Variants in KCNQ5 observed in about 807,000 individuals in gnomAD.
KCNQ5 encodes potassium voltage-gated channel subfamily KQT member 5.
KCNQ5 carries 30 observed loss-of-function variants against 98.2 expected under a neutral mutation model. That is an observed-to-expected ratio of 0.31 (90% confidence interval 0.23 to 0.41). KCNQ5 has a LOEUF of 0.41. Ranked by LOEUF, KCNQ5 falls within the 10% of genes least tolerant of loss-of-function variation. KCNQ5 has a pLI of 1.00. For synonymous variants in KCNQ5, 458 were observed against 449.4 expected, an observed-to-expected ratio of 1.02 and a Z score of -0.24; for missense variants, 835 against 1,182.5, an observed-to-expected ratio of 0.71 and a Z score of 4.31.
chr6:72,946,257 T>G (rs1040416280), intron 1 of KCNQ5, among the ~76,000 whole-genome samples: 4 of 152,220 alleles, frequency 2.6e-5, no homozygotes, highest in African/African-American at 9.7e-5. Flanking sequence ...GTTAAAGCAA[T>G]TATGCCTCTC....
At position 73,039,729 on chromosome 6, in the gene KCNQ5, G is replaced by A. The variant is rs149252584; in HGVS notation, c.490-2207G>A. ...ACTTGTTGAAATTTGTTTATGACCC[G>A]GAATATAATCTATCTTAATAAATGT... On this transcript the variant is annotated intron_variant, in intron 2 of 13. Coordinates refer to ENST00000370398, the MANE Select transcript of KCNQ5 (RefSeq NM_019842.4). Among the ~76,000 whole-genome samples the A allele has an allele frequency of 8.8e-4, 134 of 152,082 alleles. 2 individuals carry two copies. Among genetic ancestry groups the A allele is most frequent in the African/African-American group, 2.7e-3 (111 of 41,512 alleles).
chr6:72,908,361 T>C (rs1779787596), intron 1 of KCNQ5, among the ~76,000 whole-genome samples: 1 of 152,098 alleles, frequency 6.6e-6, no homozygotes, highest in Non-Finnish European at 1.5e-5. Flanking sequence ...TTAGCTGCTC[T>C]TGTCACAAAA....
intron 1 of KCNQ5, among the ~76,000 whole-genome samples, chr6:72,956,128 T>C (rs1018998955): frequency 2.0e-5 from 3 of 152,232 alleles, no homozygotes; most frequent in African/African-American, 7.2e-5. Context: ...CATTTAGTGC[T>C]TTACATTTGC....
At chr6:72,847,481 T>C (rs1162874705) in intron 1 of KCNQ5, among the ~76,000 whole-genome samples, 1 of 152,152 alleles carries the variant, frequency 6.6e-6, no homozygotes, top group African/African-American at 2.4e-5. Context: ...ATGGTTGTGG[T>C]GGTGATTGGG....
chr6:73,096,259 T>C (rs1167705786), intron 5 of KCNQ5, among the ~76,000 whole-genome samples: 1 of 150,264 alleles, frequency 6.7e-6, no homozygotes, highest in Non-Finnish European at 1.5e-5. Context: ...GGAGCTGACA[T>C]TTCAGCAGGT....
chr6:72,898,769 G>C (rs1198532647), intron 1 of KCNQ5, among the ~76,000 whole-genome samples: 1 of 152,126 alleles, frequency 6.6e-6, no homozygotes, highest in Non-Finnish European at 1.5e-5. Context: ...CATAATGGTT[G>C]AACTAATTTA....
chr6:72,721,646 C>A (rs555224612), intron 1 of KCNQ5, among the ~76,000 whole-genome samples: 1 of 152,138 alleles, frequency 6.6e-6, no homozygotes, highest in Admixed American at 6.6e-5. Context: ...GGCCCAGGAA[C>A]CTCTGTGTTA....
chr6:72,689,440 C>G (rs1768106118), intron 1 of KCNQ5, among the ~76,000 whole-genome samples: 1 of 152,220 alleles, frequency 6.6e-6, no homozygotes, highest in African/African-American at 2.4e-5. Flanking sequence ...GAGACAGCAT[C>G]AACCCAGAAA....
chr6:72,789,984 A>C (rs1331056828), intron 1 of KCNQ5, among the ~76,000 whole-genome samples: 1 of 152,180 alleles, frequency 6.6e-6, no homozygotes, highest in Non-Finnish European at 1.5e-5. Context: ...AGAACAGAAG[A>C]ATAGTATTGA....
At chr6:72,981,923 G>A (rs1001030182) in intron 1 of KCNQ5, among the ~76,000 whole-genome samples, 25 of 152,072 alleles carry the variant, frequency 1.6e-4, no homozygotes, top group African/African-American at 3.6e-4. Context: ...CCCAGTAGTC[G>A]TTCAGGAGCA....
chr6:73,130,919 T>C (rs1003218441), intron 9 of KCNQ5, among the ~76,000 whole-genome samples: 1 of 152,222 alleles, frequency 6.6e-6, no homozygotes, highest in Non-Finnish European at 1.5e-5. Flanking sequence ...TAATTTAACA[T>C]GTAATATGCC....
chr6:72,999,712 T>C (rs914264025), intron 1 of KCNQ5, among the ~76,000 whole-genome samples: 9 of 152,226 alleles, frequency 5.9e-5, no homozygotes, highest in African/African-American at 2.2e-4. Flanking sequence ...AAATCTATTA[T>C]TAAAACATTA....
At chr6:72,969,095 A>G (rs78705449) in intron 1 of KCNQ5, among the ~76,000 whole-genome samples, 4,133 of 152,292 alleles carry the variant, frequency 0.027, 67 homozygotes, top group Middle Eastern at 0.082. Context: ...TTTAAAGTAT[A>G]TTTATTTTAA....
intron 1 of KCNQ5, among the ~76,000 whole-genome samples, chr6:72,803,419 G>A (rs919970531): frequency 2.6e-5 from 4 of 152,082 alleles, no homozygotes; most frequent in Non-Finnish European, 4.4e-5. Context: ...TTTCTCCAAG[G>A]ACCTTAGTTC....
chr6:72,804,815 T>C (rs9442851), intron 1 of KCNQ5, among the ~76,000 whole-genome samples: 5,405 of 152,250 alleles, frequency 0.036, 316 homozygotes, highest in African/African-American at 0.12. Flanking sequence ...TTCCACATTC[T>C]CACCAGCATT....
At chr6:72,903,664 T>C (rs1048465288) in intron 1 of KCNQ5, among the ~76,000 whole-genome samples, 1 of 152,186 alleles carries the variant, frequency 6.6e-6, no homozygotes, top group Admixed American at 6.5e-5. Flanking sequence ...GGAGTTGACT[T>C]CCAGTTTTAT....
chr6:72,899,772 C>A (rs1175134774), intron 1 of KCNQ5, among the ~76,000 whole-genome samples: 4 of 151,970 alleles, frequency 2.6e-5, no homozygotes, highest in African/African-American at 4.8e-5. Context: ...ACACTTCACC[C>A]TCTGTGTAGT....
intron 1 of KCNQ5, among the ~76,000 whole-genome samples, chr6:72,701,135 A>G (rs1179415109): frequency 6.6e-6 from 1 of 152,216 alleles, no homozygotes; most frequent in Non-Finnish European, 1.5e-5. Flanking sequence ...AGATTAATAA[A>G]TTGTATTTTG....
intron 3 of KCNQ5, chr6:73,054,996 A>G (rs1218344541): frequency 2.2e-6 from 1 of 448,924 alleles, no homozygotes; most frequent in African/African-American, 2.0e-5. Flanking sequence ...GCAAAGCTTC[A>G]GGATACAAAG....
Sources: allele counts gnomAD v4.1 joint callset (sites outside exome capture counted in the v4.1 genomes callset), GRCh38; gene constraint gnomAD v4.1.1; transcripts MANE v1.5; gene names NCBI Gene and HGNC (gene_info 2026-07-23, HGNC 2026-07-21).